KDM4C: variants seen among roughly 807,000 people sequenced by gnomAD.
KDM4C encodes the protein lysine-specific demethylase 4C.
In KDM4C, 81 loss-of-function variants were observed where a neutral mutation model predicts 129.3. The ratio of observed to expected loss-of-function variants is 0.63; its 90% confidence interval spans 0.52 to 0.75. The LOEUF is 0.75. Among genes scored for constraint, KDM4C ranks in the 30% least tolerant of loss-of-function variants. The pLI is 0.00. For missense variants in KDM4C, 1,457 were observed against 1,304.0 expected (o/e 1.12, Z -1.81); for synonymous variants, 573 against 456.1 (o/e 1.26, Z -3.26).
intron 8 of KDM4C, among the ~76,000 whole-genome samples, chr9:6,930,872 C>A (rs915958992): frequency 3.9e-4 from 60 of 152,116 alleles, no homozygotes; most frequent in African/African-American, 1.4e-3. Flanking sequence ...ATGAGAAATA[C>A]CTGGGGAATT....
At chr9:6,967,856 TGA>T (rs1831276267) in intron 8 of KDM4C, among the ~76,000 whole-genome samples, 1 of 152,222 alleles carries the variant, frequency 6.6e-6, no homozygotes, top group South Asian at 2.1e-4. Context: ...CAAAAAGATA[TGA>T]GGCTGTGTCT....
rs576611316 is a variant in KDM4C, at chr9:6,771,318, T to A, written c.-18+13115T>A. On this transcript the variant is annotated intron_variant, in intron 1 of 21. Transcript: ENST00000381309. Reference sequence around the variant, plus strand: ...TCTAAGTATTTCAATTTTTTTAATTTATTTATTTTTTGAGACAGAGTCTTG... The same window carrying A: ...TCTAAGTATTTCAATTTTTTTAATTAATTTATTTTTTGAGACAGAGTCTTG... Among the ~76,000 whole-genome samples, 21 of 151,996 alleles carry A rather than the reference T, an allele frequency of 1.4e-4. No individual in the cohort carries two copies. The South Asian group carries it at 2.7e-3, about 20-fold the overall frequency.
chr9:6,724,786 C>T (rs1817069180), intron 1 of KDM4C, among the ~76,000 whole-genome samples: 1 of 152,166 alleles, frequency 6.6e-6, no homozygotes, highest in Admixed American at 6.6e-5. Flanking sequence ...ACCTCGGCCT[C>T]CCAAAGTGCT....
chr9:7,055,840 T>G (rs1830794135), intron 17 of KDM4C, among the ~76,000 whole-genome samples: 1 of 152,220 alleles, frequency 6.6e-6, no homozygotes, highest in African/African-American at 2.4e-5. Flanking sequence ...TAGTTAATGT[T>G]ACAGCAATGT....
At chr9:7,126,293 G>C (rs1189704094) in intron 18 of KDM4C, among the ~76,000 whole-genome samples, 1 of 152,166 alleles carries the variant, frequency 6.6e-6, no homozygotes, top group African/African-American at 2.4e-5. Context: ...GCTGTTGTCA[G>C]TATGAGCTGG....
chr9:7,090,163 A>T (rs1258854744), intron 17 of KDM4C, among the ~76,000 whole-genome samples: 1 of 152,214 alleles, frequency 6.6e-6, no homozygotes, highest in Non-Finnish European at 1.5e-5. Flanking sequence ...TGATAGATGC[A>T]CTTATAACCT....
At chr9:7,119,610 C>T (rs571695016) in intron 18 of KDM4C, among the ~76,000 whole-genome samples, 23 of 150,394 alleles carry the variant, frequency 1.5e-4, no homozygotes, top group African/African-American at 3.4e-4. Context: ...TTTTCCTTTC[C>T]GGTCAGGGAA....
intron 18 of KDM4C, among the ~76,000 whole-genome samples, chr9:7,120,037 C>A (rs778749278): frequency 6.6e-6 from 1 of 152,080 alleles, no homozygotes; most frequent in Admixed American, 6.6e-5. Context: ...TTAAATGCCA[C>A]TTTTTTTAAA....
At chr9:6,868,893 A>T (rs987341468) in intron 5 of KDM4C, among the ~76,000 whole-genome samples, 8 of 152,172 alleles carry the variant, frequency 5.3e-5, no homozygotes, top group Admixed American at 6.5e-5. Flanking sequence ...CTCACGAAAA[A>T]TAGTGTGTAA....
chr9:6,839,581 C>G lies in KDM4C; in HGVS notation c.436-9926C>G, dbSNP rs769975139. Among the ~76,000 whole-genome samples the G allele has an allele frequency of 1.6e-4, 24 of 151,762 alleles. 1 individual carries two copies. Among genetic ancestry groups the G allele is most frequent in the Non-Finnish European group, 2.8e-4 (19 of 67,950 alleles). On this transcript the variant is annotated intron_variant, in intron 4 of 21. Transcript: ENST00000381309. ...AATTCTTAAAAATGAGTGTTTTTTA[C>G]TTAAAATTTTAAAGTGTTTTTACAC...
Position 7,103,667 on chromosome 9 carries a change from T to C in KDM4C, c.2425-18T>C. 1.2e-6 allele frequency: 2 copies of C among 1,605,822 alleles called. No homozygotes were observed. The highest frequency in any genetic ancestry group is 8.5e-7 in the Non-Finnish European group (1 of 1,173,070). On this transcript the variant is annotated intron_variant, in intron 17 of 21. Transcript: ENST00000381309. ...TACAGAATGTGAATTGATGTTCTTC[T>C]CTGTTTTAACCTTCCAGAAATGCAT... is the stretch of plus-strand genomic sequence containing the variant.
At chr9:6,987,205 A>T (rs1466220992) in intron 11 of KDM4C, among the ~76,000 whole-genome samples, 1 of 152,150 alleles carries the variant, frequency 6.6e-6, no homozygotes, top group Non-Finnish European at 1.5e-5. Context: ...TCACGTGGTC[A>T]TGCTTTCTTC....
At chr9:6,790,682 A>AAAAG (rs71315564) in intron 1 of KDM4C, among the ~76,000 whole-genome samples, 2,029 of 113,112 alleles carry the variant, frequency 0.018, 102 homozygotes, top group Non-Finnish European at 0.029. Context: ...AAAAAAAAAA[A>AAAAG]GAGGAAAACT....
At chr9:6,992,230 C>G (rs2131935602) in intron 12 of KDM4C, among the ~76,000 whole-genome samples, 1 of 152,298 alleles carries the variant, frequency 6.6e-6, no homozygotes, top group Admixed American at 6.5e-5. Flanking sequence ...AAGCTGCTTT[C>G]TCCTGTGTCC....
At chr9:6,930,727 A>G (rs1318641314) in intron 8 of KDM4C, among the ~76,000 whole-genome samples, 6 of 145,570 alleles carry the variant, frequency 4.1e-5, no homozygotes, top group Non-Finnish European at 6.0e-5. Flanking sequence ...TTATTATAAT[A>G]TAATAATTAT....
chr9:7,134,204 C>A (rs370208001), intron 19 of KDM4C, among the ~76,000 whole-genome samples: 1 of 152,208 alleles, frequency 6.6e-6, no homozygotes, highest in Non-Finnish European at 1.5e-5. Flanking sequence ...AGGGTTCTCT[C>A]GCTTTTCTAT....
chr9:6,794,768 C>T (rs1007878291), intron 2 of KDM4C, among the ~76,000 whole-genome samples: 3 of 151,820 alleles, frequency 2.0e-5, no homozygotes, highest in Admixed American at 6.6e-5. Flanking sequence ...GTGACTTAAG[C>T]CTTGTGGGTG....
At chr9:6,722,112 A>G (rs1358972274) in intron 1 of KDM4C, among the ~76,000 whole-genome samples, 3 of 152,188 alleles carry the variant, frequency 2.0e-5, no homozygotes, top group African/African-American at 7.2e-5. Flanking sequence ...ATAGCCTAGG[A>G]CAACTCTGTT....
At chr9:7,000,969 C>G (rs1820618121) in intron 12 of KDM4C, among the ~76,000 whole-genome samples, 1 of 152,292 alleles carries the variant, frequency 6.6e-6, no homozygotes, top group East Asian at 1.9e-4. Context: ...AAAACTTAGT[C>G]CTGGCTGGCA....
Sources: allele counts gnomAD v4.1 joint callset (sites outside exome capture counted in the v4.1 genomes callset), GRCh38; gene constraint gnomAD v4.1.1; transcripts MANE v1.5; gene names NCBI Gene and HGNC (gene_info 2026-07-23, HGNC 2026-07-21).